The following WWOX variants were observed in gnomAD, a reference collection of about 807,000 sequenced individuals.
WWOX encodes the protein WW domain-containing oxidoreductase.
A neutral mutation model predicts 46.2 loss-of-function variants in WWOX; 69 were observed. The ratio of observed to expected loss-of-function variants is 1.49; its 90% CI spans 1.23 to 1.82. The LOEUF is 1.82. WWOX is among the 40% of genes most tolerant of loss of function. WWOX has a pLI of 0.00. For missense variants in WWOX, 919 were observed against 542.6 expected (o/e 1.69, Z -6.89); for synonymous variants, 359 against 202.6 (o/e 1.77, Z -6.56).
intron 7 of WWOX, among the ~76,000 whole-genome samples, chr16:78,431,868 C>T (rs972653810): frequency 2.0e-5 from 3 of 152,028 alleles, no homozygotes; most frequent in African/African-American, 7.2e-5. Context: ...AGGCATGTGC[C>T]AAAATACTCA....
At chr16:78,160,718 C>A (rs2034766319) in intron 4 of WWOX, among the ~76,000 whole-genome samples, 1 of 152,174 alleles carries the variant, frequency 6.6e-6, no homozygotes, top group Non-Finnish European at 1.5e-5. Context: ...TGCAAATCAT[C>A]AGTTTTGGTA....
rs1997589 is a variant in WWOX, at chr16:78,813,279, A to T, written c.1056+380527A>T. Among the ~76,000 whole-genome samples the T allele has an allele frequency of 3.1e-3, 464 of 151,802 alleles. 1 individual carries two copies. The highest frequency in any genetic ancestry group is 5.4e-3 in the Non-Finnish European group (366 of 67,932). ...TTTTCATTTAATTTTTTTTCCCCTT[A>T]ATTTCCTTTTTTTCCCTCCTAAGCT... is the stretch of plus-strand genomic sequence containing the variant. On this transcript the variant is annotated intron_variant, in intron 8 of 8. Coordinates refer to ENST00000566780, the MANE Select transcript of WWOX (RefSeq NM_016373.4).
chr16:78,710,473 CATATATAT>C lies in WWOX; in HGVS notation c.1056+277740_1056+277747del, dbSNP rs544025863. 6.4e-3 allele frequency among the ~76,000 whole-genome samples: 407 copies of C among 63,624 alleles called. 20 individuals carry two copies. Among genetic ancestry groups the C allele is most frequent in the Non-Finnish European group, 9.0e-3 (284 of 31,438 alleles). 41.7% of individuals were successfully genotyped at this position (63,624 alleles called of 152,430 possible). A position where few individuals can be genotyped will look rare whatever the true frequency, so the allele number is the denominator to read the frequency against. On this transcript the variant is annotated intron_variant, in intron 8 of 8. Transcript: ENST00000566780. ...TGATGCAATTAAAGCTAATGGATCT[CATATATAT>C]ATATATATATATATATATTTATATA...
chr16:79,080,490 A>C lies in WWOX; in HGVS notation c.1057-131118A>C, dbSNP rs114602793. 8.5e-3 allele frequency among the ~76,000 whole-genome samples: 1,300 copies of C among 152,188 alleles called. 32 individuals carry two copies. The highest frequency in any genetic ancestry group is 0.03 in the African/African-American group (1,228 of 41,530). On this transcript the variant is annotated intron_variant, in intron 8 of 8. Transcript: ENST00000566780. ...TTCTCTTGCCACAAATCAGCTGTTT[A>C]TACTCCTCTTTGCACGTTGCAGAAG...
chr16:78,550,583 A>G (rs1388174803), intron 8 of WWOX, among the ~76,000 whole-genome samples: 4 of 152,272 alleles, frequency 2.6e-5, no homozygotes, highest in Admixed American at 6.5e-5. Context: ...TCTACTATGG[A>G]TGAATGCTCC....
chr16:79,025,895 T>C (rs2047630659), intron 8 of WWOX, among the ~76,000 whole-genome samples: 1 of 144,684 alleles, frequency 6.9e-6, no homozygotes, highest in Admixed American at 7.1e-5. Context: ...GCCTCCTGGG[T>C]TCAAGTGATT....
chr16:79,125,045 A>ATTTT (rs2049721306), intron 8 of WWOX, among the ~76,000 whole-genome samples: 1 of 139,080 alleles, frequency 7.2e-6, no homozygotes. Context: ...CTATTTTCCC[A>ATTTT]TCTTTTTTTT....
At chr16:79,025,804 C>CTTTTTTTTGT (rs1320264308) in intron 8 of WWOX, among the ~76,000 whole-genome samples, 15 of 104,092 alleles carry the variant, frequency 1.4e-4, no homozygotes, top group African/African-American at 5.3e-4. Context: ...TGCTTGCTTG[C>CTTTTTTTTGT]TTTTTTTTTT....
chr16:78,214,391 G>C lies in WWOX; in HGVS notation c.516+50102G>C, dbSNP rs1248766853. Among the ~76,000 whole-genome samples, 5 of 152,168 alleles carry C rather than the reference G, an allele frequency of 3.3e-5. No individual in the cohort carries two copies. The East Asian group carries it at 9.6e-4, about 29-fold the overall frequency. On this transcript the variant is annotated intron_variant, in intron 5 of 8. Transcript: ENST00000566780. Reference sequence around the variant, plus strand: ...TTAGGGCTTTTGTGAGAGTTTAGATGATAAACCACCAAGCAACAGTGGCTG... The same window carrying C: ...TTAGGGCTTTTGTGAGAGTTTAGATCATAAACCACCAAGCAACAGTGGCTG...
chr16:78,338,115 C>G (rs750383524), intron 5 of WWOX, among the ~76,000 whole-genome samples: 1 of 121,456 alleles, frequency 8.2e-6, no homozygotes, highest in Non-Finnish European at 2.0e-5. Flanking sequence ...TAGGCAGTGT[C>G]TTTTGCTTTC....
chr16:78,145,413 C>G (rs1359448810), intron 4 of WWOX, among the ~76,000 whole-genome samples: 1 of 152,074 alleles, frequency 6.6e-6, no homozygotes, highest in Non-Finnish European at 1.5e-5. Flanking sequence ...GTCCAAGAGT[C>G]CAAAAGCTGA....
intron 8 of WWOX, among the ~76,000 whole-genome samples, chr16:78,524,988 C>G (rs1363063848): frequency 2.7e-5 from 4 of 149,912 alleles, no homozygotes; most frequent in Non-Finnish European, 5.9e-5. Context: ...GTTTCAGCCT[C>G]CTGAGTAGCT....
intron 8 of WWOX, among the ~76,000 whole-genome samples, chr16:79,111,753 A>G (rs1403431679): frequency 1.3e-5 from 2 of 152,186 alleles, no homozygotes; most frequent in East Asian, 1.9e-4. Flanking sequence ...TAGGCTCATC[A>G]TATTAGAATT....
At chr16:78,489,838 A>C (rs1460306808) in intron 8 of WWOX, among the ~76,000 whole-genome samples, 1 of 152,172 alleles carries the variant, frequency 6.6e-6, no homozygotes, top group Non-Finnish European at 1.5e-5. Flanking sequence ...GCTGCTGATA[A>C]GCAAAGGGTG....
intron 8 of WWOX, among the ~76,000 whole-genome samples, chr16:78,855,875 A>T (rs1266700220): frequency 6.6e-6 from 1 of 152,188 alleles, no homozygotes; most frequent in Non-Finnish European, 1.5e-5. Context: ...GGGAAAATTG[A>T]GGCCCAGTCC....
At chr16:78,411,605 A>G (rs896144473) in intron 6 of WWOX, among the ~76,000 whole-genome samples, 1 of 152,192 alleles carries the variant, frequency 6.6e-6, no homozygotes, top group Non-Finnish European at 1.5e-5. Context: ...TTAATTTAGC[A>G]GACATTTAGG....
chr16:78,360,298 G>A (rs939659681), intron 5 of WWOX, among the ~76,000 whole-genome samples: 3 of 152,130 alleles, frequency 2.0e-5, no homozygotes, highest in African/African-American at 4.8e-5. Context: ...AGAAGTTGGA[G>A]AAGTAGGCTG....
intron 5 of WWOX, among the ~76,000 whole-genome samples, chr16:78,224,254 C>T (rs1466175328): frequency 5.9e-5 from 9 of 152,236 alleles, no homozygotes; most frequent in African/African-American, 9.6e-5. Flanking sequence ...CCGCCTGCCT[C>T]GGCCTCCCAA....
Position 78,143,498 on chromosome 16 carries a change from C to G in WWOX, c.410-20685C>G, listed in dbSNP as rs1374926994. Among the ~76,000 whole-genome samples the G allele has an allele frequency of 2.0e-5, 3 of 152,160 alleles. No homozygotes were observed. The East Asian group carries it at 5.8e-4, about 29-fold the overall frequency. On this transcript the variant is annotated intron_variant, in intron 4 of 8. Transcript: ENST00000566780. ...GTTTTATTGGAACACGGGTGCTCATCGTTTACATATCGCCCATGGCTGCTT... is the reference window on the plus strand; with the variant it reads ...GTTTTATTGGAACACGGGTGCTCATGGTTTACATATCGCCCATGGCTGCTT...
Sources: allele counts gnomAD v4.1 joint callset (sites outside exome capture counted in the v4.1 genomes callset), GRCh38; gene constraint gnomAD v4.1.1; transcripts MANE v1.5; gene names NCBI Gene and HGNC (gene_info 2026-07-23, HGNC 2026-07-21).